The following TTBK2 variants were observed in gnomAD, a reference collection of about 807,000 sequenced individuals.
The protein encoded by TTBK2 is tau tubulin kinase 2, also known as tau-tubulin kinase 2.
TTBK2 carries 28 observed loss-of-function variants against 110.8 expected under a neutral mutation model. The observed-to-expected ratio is 0.25, with a 90% confidence interval of 0.19 to 0.35. TTBK2 has a LOEUF of 0.35. Among genes scored for constraint, TTBK2 ranks in the 10% least tolerant of loss-of-function variants. The pLI is 1.00. For synonymous variants in TTBK2, 532 were observed against 527.3 expected, an observed-to-expected ratio of 1.01 and a Z score of -0.12; for missense variants, 1,369 against 1,500.3, an observed-to-expected ratio of 0.91 and a Z score of 1.45.
chr15:42,837,935 C>T (rs568288884), intron 4 of TTBK2, among the ~76,000 whole-genome samples: 16 of 151,714 alleles, frequency 1.1e-4, no homozygotes, highest in African/African-American at 3.4e-4. Context: ...CTGCTGGGCG[C>T]GGTGGCTCAC....
intron 13 of TTBK2, among the ~76,000 whole-genome samples, chr15:42,772,091 G>A (rs567311942): frequency 2.0e-5 from 3 of 152,006 alleles, no homozygotes; most frequent in Non-Finnish European, 4.4e-5. Flanking sequence ...TCACACCCTC[G>A]TATAGACCCT....
intron 9 of TTBK2, among the ~76,000 whole-genome samples, chr15:42,806,848 T>C (rs1365588107): frequency 1.3e-5 from 2 of 151,696 alleles, no homozygotes; most frequent in Non-Finnish European, 2.9e-5. Flanking sequence ...TCAGCTATCA[T>C]TACTGTTAGT....
At chr15:42,805,738 A>G (rs931760084) in intron 9 of TTBK2, among the ~76,000 whole-genome samples, 2 of 152,138 alleles carry the variant, frequency 1.3e-5, no homozygotes, top group Non-Finnish European at 2.9e-5. Flanking sequence ...TTGAGTTCTG[A>G]CTACTGGGCA....
At chr15:42,857,661 T>C (rs1163232300) in intron 3 of TTBK2, 1 of 152,130 alleles carries the variant, frequency 6.6e-6, no homozygotes, top group Admixed American at 6.5e-5. Flanking sequence ...TTTTCAACAA[T>C]ACAGATCCCT....
At chr15:42,788,286 C>T (rs967263972) in intron 10 of TTBK2, among the ~76,000 whole-genome samples, 1 of 152,148 alleles carries the variant, frequency 6.6e-6, no homozygotes, top group East Asian at 1.9e-4. Context: ...TATGGAACTA[C>T]TTACATGTTT....
chr15:42,810,203 G>A (rs191647743), intron 9 of TTBK2, among the ~76,000 whole-genome samples: 5 of 152,228 alleles, frequency 3.3e-5, no homozygotes, highest in South Asian at 4.1e-4. Context: ...TTCACTGACC[G>A]CTGTCCCATA....
Position 42,743,028 on chromosome 15 carries a change from C to T in TTBK2, c.*2767G>A, listed in dbSNP as rs772831825. The stretch of plus-strand genomic sequence containing the variant: ...TTTTCACCTGAGAGACATCTAAAAG[C>T]GCAAACTATGCTTGTAAAAACCAAA... On this transcript the variant is annotated 3_prime_UTR_variant, in exon 15 of 15. Transcript: ENST00000267890. 5 of 152,110 alleles carry T rather than the reference C, an allele frequency of 3.3e-5. No individual in the cohort carries two copies. The highest frequency in any genetic ancestry group is 6.5e-5 in the Admixed American group (1 of 15,280). The allele number at this position is 152,110 out of a possible 1,614,324, so 9.4% of individuals were successfully genotyped here.
chr15:42,851,132 C>T (rs565305997), intron 3 of TTBK2, among the ~76,000 whole-genome samples: 6 of 151,022 alleles, frequency 4.0e-5, no homozygotes, highest in Non-Finnish European at 8.9e-5. Context: ...CCTGTAGTCC[C>T]AGCTACTTGG....
chr15:42,817,460 A>G (rs935236552), intron 6 of TTBK2, among the ~76,000 whole-genome samples: 2 of 152,190 alleles, frequency 1.3e-5, no homozygotes, highest in Non-Finnish European at 1.5e-5. Flanking sequence ...AGGTTCTGAT[A>G]CAAATAAATA....
At chr15:42,844,287 G>A (rs1425416013) in intron 3 of TTBK2, among the ~76,000 whole-genome samples, 3 of 152,218 alleles carry the variant, frequency 2.0e-5, no homozygotes, top group Admixed American at 1.3e-4. Flanking sequence ...TATGGGCCAG[G>A]AGTAGTGGCT....
intron 1 of TTBK2, among the ~76,000 whole-genome samples, chr15:42,900,898 G>C (rs904348464): frequency 1.3e-5 from 2 of 152,066 alleles, no homozygotes; most frequent in Non-Finnish European, 2.9e-5. Flanking sequence ...TTTTCAACAA[G>C]AGTCCCAAGA....
rs569303915 is a variant in TTBK2 at position 42,899,963 on chromosome 15, A to AAAAT, written c.-68+20471_-68+20474dup. On this transcript the variant is annotated intron_variant, in intron 1 of 14. Transcript: ENST00000267890. Reference sequence around the variant, plus strand: ...GTGACAGAGCAAGACTCTGTCTCAAAAAATAAATAAATAAATAAATAAATA... The same window carrying AAAAT: ...GTGACAGAGCAAGACTCTGTCTCAAAAAATAAATAAATAAATAAATAAATAAATA... Among the ~76,000 whole-genome samples the AAAAT allele has an allele frequency of 2.9e-3, 440 of 151,786 alleles. 1 individual carries two copies. The highest frequency in any genetic ancestry group is 6.1e-3 in the South Asian group (29 of 4,788).
In TTBK2 at chr15:42,905,965, G is replaced by A. The variant is rs1056594803; in HGVS notation, c.-68+14473C>T. Among the ~76,000 whole-genome samples the A allele has an allele frequency of 3.3e-5, 5 of 152,164 alleles. No individual in the cohort carries two copies. In the South Asian group the frequency reaches 6.2e-4, roughly 19 times the overall value. ...GCACTTTGGGAGGCCAACACAGGCC[G>A]ATCACCTGAGGTCGGGAGTTCGAGA... On this transcript the variant is annotated intron_variant, in intron 1 of 14. Coordinates refer to ENST00000267890, the MANE Select transcript of TTBK2 (RefSeq NM_173500.4).
At chr15:42,754,985 G>C (rs895492385) in intron 13 of TTBK2, among the ~76,000 whole-genome samples, 21 of 117,538 alleles carry the variant, frequency 1.8e-4, no homozygotes, top group Non-Finnish European at 3.1e-4. Flanking sequence ...TCCAGCCTGG[G>C]CAATAAGAGT....
Position 42,765,712 on chromosome 15 carries a change from G to A in TTBK2, c.1998+9423C>T, listed in dbSNP as rs1477139836. Among the ~76,000 whole-genome samples the A allele has an allele frequency of 3.3e-5, 5 of 152,150 alleles. No individual in the cohort carries two copies. The East Asian group carries it at 9.6e-4, about 29-fold the overall frequency. On this transcript the variant is annotated intron_variant, in intron 13 of 14. Transcript: ENST00000267890. ...ACACTCTGCAGGATATTATCCAGGA[G>A]AACTTCCCCAATCTAGCAAGGCAGG...
chr15:42,894,308 A>C (rs1895582826), intron 1 of TTBK2, among the ~76,000 whole-genome samples: 1 of 152,190 alleles, frequency 6.6e-6, no homozygotes, highest in Admixed American at 6.5e-5. Context: ...GTGAGAATGG[A>C]CTAATACAGG....
chr15:42,750,356 A>G (rs567494164), intron 14 of TTBK2, among the ~76,000 whole-genome samples: 2 of 152,212 alleles, frequency 1.3e-5, no homozygotes, highest in South Asian at 2.1e-4. Flanking sequence ...AAAGAAAGAC[A>G]CGGAGAAAGT....
At chr15:42,762,987 T>C (rs1450170081) in intron 13 of TTBK2, among the ~76,000 whole-genome samples, 2 of 146,440 alleles carry the variant, frequency 1.4e-5, no homozygotes, top group Admixed American at 1.4e-4. Context: ...AACGGGGAGA[T>C]AGGGAAAGAT....
At chr15:42,861,207 A>C (rs1179705060) in intron 3 of TTBK2, among the ~76,000 whole-genome samples, 1 of 152,188 alleles carries the variant, frequency 6.6e-6, no homozygotes, top group Non-Finnish European at 1.5e-5. Context: ...CAAGGCAGAA[A>C]ACTAACAAAG....
Sources: gnomAD v4.1 joint callset for allele counts (sites outside exome capture counted in the v4.1 genomes callset) on GRCh38, gnomAD v4.1.1 for gene constraint, MANE v1.5 for transcripts, NCBI Gene and HGNC (gene_info 2026-07-23, HGNC 2026-07-21) for gene names.